Variants in SNX8 observed in about 807,000 individuals in gnomAD.
SNX8 encodes sorting nexin-8.
SNX8 carries 25 observed loss-of-function variants against 51.6 expected under a neutral mutation model. That is an observed-to-expected ratio of 0.48 (90% CI 0.35 to 0.68). SNX8 has a LOEUF of 0.68. Ranked by LOEUF, SNX8 falls within the 30% of genes least tolerant of loss-of-function variation. SNX8 has a pLI of 0.00. For synonymous variants in SNX8, 324 were observed against 277.0 expected, an observed-to-expected ratio of 1.17 and a Z score of -1.68; for missense variants, 695 against 624.0, an observed-to-expected ratio of 1.11 and a Z score of -1.21.
At chr7:2,349,972 A>G (rs1465592778) in intron 1 of SNX8, among the ~76,000 whole-genome samples, 2 of 151,948 alleles carry the variant, frequency 1.3e-5, no homozygotes, top group Non-Finnish European at 2.9e-5. Context: ...CTACACCCGG[A>G]GCCACCCCAC....
intron 1 of SNX8, among the ~76,000 whole-genome samples, chr7:2,348,431 T>G (rs373298500): frequency 6.7e-6 from 1 of 149,856 alleles, no homozygotes; most frequent in East Asian, 2.0e-4. Flanking sequence ...AGCTCCGCCT[T>G]CCGGGTTCAC....
chr7:2,305,616 G>A (rs1414630128), intron 1 of SNX8, among the ~76,000 whole-genome samples: 6 of 151,958 alleles, frequency 3.9e-5, no homozygotes, highest in South Asian at 2.1e-4. Context: ...CGCCTGCCTC[G>A]GCCTCCCTAA....
chr7:2,317,705 G>A (rs1361286761), upstream of SNX8, among the ~76,000 whole-genome samples: 1 of 152,064 alleles, frequency 6.6e-6, no homozygotes, highest in Non-Finnish European at 1.5e-5. Context: ...TCTGGCTATA[G>A]CTGCTGGACC....
intron 1 of SNX8, among the ~76,000 whole-genome samples, chr7:2,296,298 G>C (rs866781422): frequency 1.8e-4 from 27 of 151,950 alleles, no homozygotes; most frequent in South Asian, 6.2e-4. Context: ...CACATCCTTG[G>C]GTAACTATAT....
In SNX8 at chr7:2,257,157, G is replaced by A. The variant is rs1277264790; in HGVS notation, c.1135-134C>T. On this transcript the variant is annotated intron_variant, in intron 9 of 10. Transcript: ENST00000222990. ...CTTCACCAGGCATTTGGAAGGTGGCGAGGTAAGAGAGGGCCGGGGAGGGAG... is the reference window on the plus strand; with the variant it reads ...CTTCACCAGGCATTTGGAAGGTGGCAAGGTAAGAGAGGGCCGGGGAGGGAG... The A allele has an allele frequency of 3.0e-5, 37 of 1,219,648 alleles. No individual in the cohort carries two copies. The South Asian group carries it at 4.7e-4, about 15-fold the overall frequency. 75.6% of individuals were successfully genotyped at this position (1,219,648 alleles called of 1,614,324 possible).
intron 1 of SNX8, among the ~76,000 whole-genome samples, chr7:2,343,002 T>G (rs1409464876): frequency 1.3e-5 from 2 of 151,672 alleles, no homozygotes; most frequent in Non-Finnish European, 2.9e-5. Flanking sequence ...ACCGTATTGG[T>G]CAGGCTGGTC....
At chr7:2,285,708 C>A (rs1256767053) in intron 1 of SNX8, among the ~76,000 whole-genome samples, 1 of 152,110 alleles carries the variant, frequency 6.6e-6, no homozygotes, top group Non-Finnish European at 1.5e-5. Flanking sequence ...TCTCTGTTGC[C>A]TAGGCTGGAA....
chr7:2,284,964 G>C lies in SNX8; in HGVS notation c.95-6659C>G, dbSNP rs1234289603. 2.0e-5 allele frequency among the ~76,000 whole-genome samples: 3 copies of C among 151,906 alleles called. No individual in the cohort carries two copies. The East Asian group carries it at 5.9e-4, about 30-fold the overall frequency. On this transcript the variant is annotated intron_variant, in intron 1 of 10. Transcript: ENST00000222990. ...GAGTGCCTCACGCCTGTAAATCCCA[G>C]CACTTTTGGAGGCTGAGGTGGGCGG...
chr7:2,256,189 C>G lies in SNX8; in HGVS notation c.1284+685G>C, dbSNP rs982524717. Among the ~76,000 whole-genome samples the G allele has an allele frequency of 8.5e-5, 13 of 152,328 alleles. 1 individual carries two copies. The highest frequency in any genetic ancestry group is 3.4e-3 in the Middle Eastern group (1 of 294). On this transcript the variant is annotated intron_variant, in intron 10 of 10. Transcript: ENST00000222990. The stretch of plus-strand genomic sequence containing the variant: ...GTCTACCGCCTCTCCAGCCCCACCA[C>G]GGCCGCCTCCAGCCTGCCATTCCCA...
At chr7:2,297,898 G>C (rs1390099496) in intron 1 of SNX8, among the ~76,000 whole-genome samples, 1 of 151,800 alleles carries the variant, frequency 6.6e-6, no homozygotes, top group Non-Finnish European at 1.5e-5. Context: ...AGGGCGGGAG[G>C]GGGTGAAGGA....
intron 1 of SNX8, among the ~76,000 whole-genome samples, chr7:2,343,339 T>G (rs538637954): frequency 2.0e-5 from 3 of 152,208 alleles, no homozygotes; most frequent in African/African-American, 7.2e-5. Flanking sequence ...AAAAATATTT[T>G]TAACATATAC....
At chr7:2,310,320 G>T (rs2115206855) in intron 1 of SNX8, among the ~76,000 whole-genome samples, 1 of 152,196 alleles carries the variant, frequency 6.6e-6, no homozygotes, top group South Asian at 2.1e-4. Flanking sequence ...ATTTTGACAG[G>T]AATAGTTTCA....
chr7:2,305,074 G>A (rs980263173), intron 1 of SNX8, among the ~76,000 whole-genome samples: 3 of 152,200 alleles, frequency 2.0e-5, no homozygotes, highest in African/African-American at 7.2e-5. Context: ...CCTTCCTGCT[G>A]TGCTGCCGGT....
intron 1 of SNX8, among the ~76,000 whole-genome samples, chr7:2,289,218 C>G (rs902626069): frequency 2.6e-4 from 40 of 152,128 alleles, no homozygotes; most frequent in African/African-American, 9.7e-4. Flanking sequence ...TGCGGGGCAT[C>G]TGGGAGGGTT....
At chr7:2,262,354 C>T (rs4721524) in intron 7 of SNX8, among the ~76,000 whole-genome samples, 139,225 of 152,166 alleles carry the variant, frequency 0.91, 63,969 homozygotes, top group Non-Finnish European at 0.96. Flanking sequence ...AACACTTTTT[C>T]TTAACATAAA....
intron 5 of SNX8, among the ~76,000 whole-genome samples, chr7:2,269,195 C>T (rs1314672255): frequency 4.6e-5 from 7 of 150,806 alleles, no homozygotes; most frequent in African/African-American, 1.2e-4. Context: ...AGAAAAATTC[C>T]TCTGCCTTGG....
intron 1 of SNX8, among the ~76,000 whole-genome samples, chr7:2,351,424 G>T (rs1039199329): frequency 6.6e-6 from 1 of 152,052 alleles, no homozygotes; most frequent in Non-Finnish European, 1.5e-5. Flanking sequence ...TGGTGGTGTG[G>T]ATCTGTACTA....
intron 1 of SNX8, among the ~76,000 whole-genome samples, chr7:2,321,813 T>A (rs1385150782): frequency 6.9e-6 from 1 of 143,960 alleles, no homozygotes; most frequent in East Asian, 2.1e-4. Context: ...AACCTCTGCC[T>A]CCCAGGTTCA....
intron 1 of SNX8, among the ~76,000 whole-genome samples, chr7:2,279,774 A>C (rs560423348): frequency 2.0e-5 from 3 of 150,362 alleles, no homozygotes; most frequent in Admixed American, 2.0e-4. Flanking sequence ...AAAAAAAAAA[A>C]AAAAAACTCT....
Sources: gnomAD v4.1 joint callset for allele counts (sites outside exome capture counted in the v4.1 genomes callset) on GRCh38, gnomAD v4.1.1 for gene constraint, MANE v1.5 for transcripts, NCBI Gene and HGNC (gene_info 2026-07-23, HGNC 2026-07-21) for gene names.